Variants in KIF11 observed in about 807,000 individuals in gnomAD.
The protein encoded by KIF11 is kinesin-like protein KIF11.
In KIF11, 9 loss-of-function variants were observed where a neutral mutation model predicts 121.0. The observed-to-expected ratio is 0.07, with a 90% confidence interval of 0.04 to 0.13. The LOEUF (loss-of-function observed/expected upper bound fraction) is 0.13. Among genes scored for constraint, KIF11 ranks in the 10% least tolerant of loss-of-function variants. The probability of loss-of-function intolerance (pLI) is 1.00; values close to 1 mark genes in which losing one functional copy is unlikely to be tolerated. For synonymous variants in KIF11, 408 were observed against 421.0 expected (o/e 0.97, Z 0.38); for missense variants, 846 against 1,217.5 (o/e 0.69, Z 4.54).
chr10:92,645,677 G>T, intron 18 of KIF11, 35 bp downstream of exon 18: 1 of 1,445,512 alleles, frequency 6.9e-7, no homozygotes, highest in Non-Finnish European at 9.4e-7. Context: ...ACTTTGGGGA[G>T]AATAATAATC....
chr10:92,649,684 ATGTC>A, intron 19 of KIF11, 147 bp from the exon 20 acceptor site: 2 of 548,558 alleles, frequency 3.6e-6, no homozygotes, highest in Non-Finnish European at 6.5e-6. Flanking sequence ...GTTGCAAACA[ATGTC>A]TGACAGGTAG....
intron 1 of KIF11, among the ~76,000 whole-genome samples, chr10:92,596,480 C>G (rs1844297753): frequency 6.6e-6 from 1 of 151,886 alleles, no homozygotes; most frequent in Admixed American, 6.6e-5. Flanking sequence ...TACATTCCTA[C>G]CAACAGTGCA....
intron 6 of KIF11, among the ~76,000 whole-genome samples, chr10:92,611,402 CG>C (rs1182099381): frequency 1.3e-5 from 2 of 151,544 alleles, no homozygotes; most frequent in African/African-American, 2.4e-5. Context: ...TTAGTAGAGA[CG>C]GGGTTTCACT....
In KIF11 at chr10:92,595,026, A is replaced by G. The variant is rs1017755320; in HGVS notation, c.77+1574A>G. ...AAAGGGCCCAGAGAAATAAATATTT[A>G]TTTTATTTAAATACTTTAGGCTTTG... On this transcript the variant is annotated intron_variant, in intron 1 of 21. Transcript: ENST00000260731. Among the ~76,000 whole-genome samples, 14 of 152,156 alleles carry G rather than the reference A, an allele frequency of 9.2e-5. 1 individual carries two copies. Among genetic ancestry groups the G allele is most frequent in the Non-Finnish European group, 2.9e-5 (2 of 68,010 alleles).
At chr10:92,608,957 T>C (rs1844461651) in intron 4 of KIF11, 63 bp from the exon 5 acceptor site, 1 of 874,170 alleles carries the variant, frequency 1.1e-6, no homozygotes, top group African/African-American at 1.7e-5. Context: ...AGGAGGCCCA[T>C]GTATTTTAAC....
rs1322781753 is a variant in KIF11, at chr10:92,602,718, C to T, written c.78-3547C>T. 6.6e-5 allele frequency among the ~76,000 whole-genome samples: 10 copies of T among 151,536 alleles called. No homozygotes were observed. In the South Asian group the frequency reaches 8.4e-4, roughly 13 times the overall value. On this transcript the variant is annotated intron_variant, in intron 1 of 21. Coordinates refer to ENST00000260731, the MANE Select transcript of KIF11 (RefSeq NM_004523.4). ...CCTTAGCACTGCTTTTGCTGTGTCC[C>T]GTAAGTTTTGGTATGTTGTATTTTC... is the stretch of plus-strand genomic sequence containing the variant.
Position 92,654,432 on chromosome 10 carries a change from A to G in KIF11, c.*636A>G, listed in dbSNP as rs1380962808. 1 of 152,210 alleles carries G rather than the reference A, an allele frequency of 6.6e-6. No homozygotes were observed. The highest frequency in any genetic ancestry group is 6.5e-5 in the Admixed American group (1 of 15,286). 9.4% of individuals were successfully genotyped at this position (152,210 alleles called of 1,614,324 possible). ...TCTCAGCTTGAGCTTACATAGGTAAATATCACCAACATCTGTCCTTAGAAA... is the reference window on the plus strand; with the variant it reads ...TCTCAGCTTGAGCTTACATAGGTAAGTATCACCAACATCTGTCCTTAGAAA... On this transcript the variant is annotated 3_prime_UTR_variant, in exon 22 of 22. Coordinates refer to ENST00000260731, the MANE Select transcript of KIF11 (RefSeq NM_004523.4).
In KIF11 at chr10:92,630,308, T is replaced by C. The variant is rs1355713224; in HGVS notation, c.1438T>C (p.Tyr480His). 6.2e-7 allele frequency: 1 copy of C among 1,607,216 alleles called. No homozygotes were observed. Among genetic ancestry groups the C allele is most frequent in the South Asian group, 1.1e-5 (1 of 89,318 alleles). Residue 480 changes from tyrosine (Y) to histidine (H), a missense_variant, in exon 12 of 22, where the codon TAT becomes CAT. Transcript: ENST00000260731. ...ETKLQLVKEE[Y>H]ITSALESTEE... ...TAAATTACAACTTGTTAAAGAAGAA[T>C]ATATCACATCAGCTTTGGAAAGTAC...
In KIF11 at chr10:92,655,342, C is replaced by T. The variant is rs1206382671; in HGVS notation, c.*1546C>T. On this transcript the variant is annotated 3_prime_UTR_variant, in exon 22 of 22. Transcript: ENST00000260731. ...TGTCAGCATAAGCGATGGATAATAC[C>T]TAATAAACTGCCCTCAGTAAATCCA... 1 of 152,102 alleles carries T rather than the reference C, an allele frequency of 6.6e-6. No homozygotes were observed. Among genetic ancestry groups the T allele is most frequent in the Non-Finnish European group, 1.5e-5 (1 of 68,026 alleles). The allele number at this position is 152,102 out of a possible 1,614,324, so 9.4% of individuals were successfully genotyped here. A position where few individuals can be genotyped will look rare whatever the true frequency, so the allele number is the denominator to read the frequency against.
chr10:92,650,829 T>C (rs1439682825), intron 21 of KIF11, among the ~76,000 whole-genome samples: 2 of 152,112 alleles, frequency 1.3e-5, no homozygotes, highest in Non-Finnish European at 2.9e-5. Context: ...CCTTCTACCT[T>C]TGACATGTAA....
rs140534766 is a variant in KIF11, at chr10:92,609,087, C to T, written c.455C>T (p.Thr152Ile). Residue 152 changes from threonine (T) to isoleucine (I), a missense_variant, in exon 5 of 22, where the codon ACT becomes ATT. By Grantham distance (89) the Thr-to-Ile change is moderately conservative (BLOSUM62 -1). This residue lies in a region of KIF11 where 140 missense variants were observed against 193.5 expected (regional missense o/e 0.72). Coordinates refer to ENST00000260731, the MANE Select transcript of KIF11 (RefSeq NM_004523.4). ...QIFEKLTDNG[T>I]EFSVKVSLLE... ...TTTGAGAAACTTACTGATAATGGTA[C>T]TGAATTTTCAGTCAAAGTGTCTCTG... is the stretch of plus-strand genomic sequence containing the variant. 1.0e-5 allele frequency: 16 copies of T among 1,604,580 alleles called. No individual in the cohort carries two copies. The highest frequency in any genetic ancestry group is 1.7e-5 in the Admixed American group (1 of 59,312).
intron 10 of KIF11, among the ~76,000 whole-genome samples, chr10:92,626,820 C>T (rs1012199426): frequency 3.3e-5 from 5 of 152,056 alleles, no homozygotes; most frequent in African/African-American, 9.7e-5. Context: ...AGTGCAGTGG[C>T]GCCATCTTGG....
At position 92,606,588 on chromosome 10, in the gene KIF11, T is replaced by A. The variant is rs752961144; in HGVS notation, c.211-31T>A. On this transcript the variant is annotated intron_variant, in intron 2 of 21. Transcript: ENST00000260731. ...TTATTAAAATGAGTAATTTTGAGGT[T>A]GATTTTTTTTTTTTTAATTTTTTTC... The A allele has an allele frequency of 1.5e-5, 19 of 1,272,222 alleles. No homozygotes were observed. In the South Asian group the frequency reaches 2.6e-4, roughly 17 times the overall value. 78.8% of individuals were successfully genotyped at this position (1,272,222 alleles called of 1,614,324 possible). A position where few individuals can be genotyped will look rare whatever the true frequency, so the allele number is the denominator to read the frequency against.
At chr10:92,609,557 A>G in intron 6 of KIF11, 48 bp downstream of exon 6, 1 of 1,553,098 alleles carries the variant, frequency 6.4e-7, no homozygotes. Flanking sequence ...TTTTAAGAAG[A>G]ATTAGGAACT....
In KIF11 at chr10:92,613,200, TGA is replaced by T; in HGVS notation, c.789+73_789+74del. ...ATAGAGCAGCTTGAAATTTTGTCCT[TGA>T]GACAAAATTTTTGTGGTCACTGGGT... is the stretch of plus-strand genomic sequence containing the variant. On this transcript the variant is annotated intron_variant, in intron 7 of 21. Coordinates refer to ENST00000260731, the MANE Select transcript of KIF11 (RefSeq NM_004523.4). The surrounding 1 kb of genome is among the most constrained non-coding windows in gnomAD (Gnocchi z 4.2). 1 of 1,296,620 alleles carries T rather than the reference TGA, an allele frequency of 7.7e-7. No individual in the cohort carries two copies. Among genetic ancestry groups the T allele is most frequent in the Non-Finnish European group, 1.1e-6 (1 of 929,392 alleles). The allele number at this position is 1,296,620 out of a possible 1,614,324, so 80.3% of individuals were successfully genotyped here.
chr10:92,595,008 C>T (rs1215908058), intron 1 of KIF11, among the ~76,000 whole-genome samples: 1 of 151,912 alleles, frequency 6.6e-6, no homozygotes, highest in Non-Finnish European at 1.5e-5. Context: ...TGTAAAGGGC[C>T]CAGAGAAATA....
intron 19 of KIF11, 112 bp from the exon 20 acceptor site, chr10:92,649,723 A>G (rs902808418): frequency 2.9e-6 from 2 of 693,786 alleles, no homozygotes; most frequent in Non-Finnish European, 4.7e-6. Context: ...ATATATGGCA[A>G]TTATATTTTT....
intron 1 of KIF11, among the ~76,000 whole-genome samples, chr10:92,594,562 C>T (rs945461045): frequency 1.3e-5 from 2 of 152,084 alleles, no homozygotes; most frequent in Non-Finnish European, 2.9e-5. Flanking sequence ...TTACCTTTTC[C>T]GTATGCATTT....
intron 10 of KIF11, among the ~76,000 whole-genome samples, chr10:92,627,644 A>C (rs1398473874): frequency 6.6e-6 from 1 of 151,540 alleles, no homozygotes; most frequent in East Asian, 1.9e-4. Flanking sequence ...ATTTTCTTCA[A>C]ATGTCTAGTG....
Sources: gnomAD v4.1 joint callset for allele counts (sites outside exome capture counted in the v4.1 genomes callset) on GRCh38, gnomAD v4.1.1 for gene constraint, gnomAD v4.1.1 regional missense constraint, Gnocchi (gnomAD v3.1) non-coding constraint, MANE v1.5 for transcripts, NCBI Gene and HGNC (gene_info 2026-07-23, HGNC 2026-07-21) for gene names.